The following ASTN2 variants were observed in gnomAD, a reference collection of about 807,000 sequenced individuals.
The protein encoded by ASTN2 is astrotactin 2.
ASTN2 carries 54 observed loss-of-function variants against 139.8 expected under a neutral mutation model. The observed-to-expected ratio is 0.39, with a 90% CI of 0.31 to 0.48. The LOEUF is 0.48. Among genes scored for constraint, ASTN2 ranks in the 20% least tolerant of loss-of-function variants. The pLI is 0.95. For synonymous variants in ASTN2, 756 were observed against 719.5 expected (o/e 1.05, Z -0.81); for missense variants, 1,565 against 1,725.1 (o/e 0.91, Z 1.64).
At chr9:116,969,262 T>C (rs2132515999) in intron 10 of ASTN2, among the ~76,000 whole-genome samples, 1 of 152,326 alleles carries the variant, frequency 6.6e-6, no homozygotes, top group East Asian at 1.9e-4. Flanking sequence ...ATTCCAAACC[T>C]GGTTCTATTA....
At chr9:117,014,203 C>T (rs1365072190) in intron 6 of ASTN2, among the ~76,000 whole-genome samples, 1 of 152,096 alleles carries the variant, frequency 6.6e-6, no homozygotes, top group Non-Finnish European at 1.5e-5. Flanking sequence ...ATCAGCCCGA[C>T]AGACCCAAGA....
chr9:116,972,209 G>GC (rs1836227904), intron 10 of ASTN2, among the ~76,000 whole-genome samples: 1 of 151,882 alleles, frequency 6.6e-6, no homozygotes, highest in South Asian at 2.1e-4. Flanking sequence ...AATGAAACTA[G>GC]TTTTTTTTGT....
chr9:116,995,127 G>A (rs1342988645), intron 7 of ASTN2, among the ~76,000 whole-genome samples: 1 of 152,178 alleles, frequency 6.6e-6, no homozygotes, highest in African/African-American at 2.4e-5. Context: ...TGCTTATTAA[G>A]TGTAAACACT....
chr9:117,074,431 T>G (rs1427045609), intron 5 of ASTN2, among the ~76,000 whole-genome samples: 7 of 152,218 alleles, frequency 4.6e-5, no homozygotes, highest in Admixed American at 3.9e-4. Flanking sequence ...CTGGGACATT[T>G]AGGTTTTATT....
intron 10 of ASTN2, among the ~76,000 whole-genome samples, chr9:116,946,054 A>T (rs781031626): frequency 1.3e-4 from 20 of 152,196 alleles, no homozygotes; most frequent in Non-Finnish European, 2.2e-4. Flanking sequence ...CACACTTACA[A>T]ATAATCAGAT....
chr9:116,750,190 A>G (rs953494776), intron 13 of ASTN2, among the ~76,000 whole-genome samples: 1 of 152,236 alleles, frequency 6.6e-6, no homozygotes, highest in African/African-American at 2.4e-5. Flanking sequence ...AAACTCTTAA[A>G]GCAAAAGATA....
At chr9:117,409,941 G>C (rs780236291) in intron 1 of ASTN2, among the ~76,000 whole-genome samples, 74 of 152,274 alleles carry the variant, frequency 4.9e-4, no homozygotes, top group Non-Finnish European at 7.9e-4. Flanking sequence ...CCTTCTTCCA[G>C]GCCATCAGCT....
At chr9:116,846,149 G>A (rs1283387467) in intron 11 of ASTN2, among the ~76,000 whole-genome samples, 1 of 152,180 alleles carries the variant, frequency 6.6e-6, no homozygotes, top group Non-Finnish European at 1.5e-5. Flanking sequence ...GGTGCTTATA[G>A]CAGTCAAATT....
chr9:116,916,722 C>T (rs923765062), intron 10 of ASTN2, among the ~76,000 whole-genome samples: 1 of 151,976 alleles, frequency 6.6e-6, no homozygotes, highest in African/African-American at 2.4e-5. Flanking sequence ...TGCCTGTGGC[C>T]CCAGCTACTT....
chr9:116,950,117 A>G (rs890826536), intron 10 of ASTN2, among the ~76,000 whole-genome samples: 1 of 152,242 alleles, frequency 6.6e-6, no homozygotes, highest in African/African-American at 2.4e-5. Context: ...AGCTTTCTCA[A>G]TCTTGCCAGC....
chr9:116,527,996 A>G (rs1209447192), intron 19 of ASTN2, among the ~76,000 whole-genome samples: 1 of 152,182 alleles, frequency 6.6e-6, no homozygotes, highest in Non-Finnish European at 1.5e-5. Flanking sequence ...TAGCAGTGTG[A>G]AAACAACTAA....
At chr9:117,269,823 G>C (rs556604266) in intron 2 of ASTN2, among the ~76,000 whole-genome samples, 252 of 152,308 alleles carry the variant, frequency 1.7e-3, no homozygotes, top group South Asian at 2.9e-3. Context: ...ACTTAAAGTT[G>C]AACCAAGGCC....
chr9:117,146,561 G>C (rs566147886), intron 3 of ASTN2, among the ~76,000 whole-genome samples: 1 of 151,950 alleles, frequency 6.6e-6, no homozygotes, highest in South Asian at 2.1e-4. Flanking sequence ...TCTAAGATGA[G>C]TGGGAAGAAG....
At chr9:117,125,221 C>T (rs1489458569) in intron 4 of ASTN2, among the ~76,000 whole-genome samples, 1 of 152,174 alleles carries the variant, frequency 6.6e-6, no homozygotes, top group African/African-American at 2.4e-5. Flanking sequence ...TTCTTCTTAA[C>T]ATCTCCTCTC....
chr9:116,495,846 C>T lies in ASTN2; in HGVS notation c.3356-8346G>A, dbSNP rs190587273. ...TAATTAACAAGAATTCACGGGGTAT[C>T]TCCAGTGTCCTGCTTCCTCGGGCCC... On this transcript the variant is annotated intron_variant, in intron 19 of 22. Transcript: ENST00000313400. Among the ~76,000 whole-genome samples the T allele has an allele frequency of 2.0e-5, 3 of 152,256 alleles. No homozygotes were observed. In the East Asian group the frequency reaches 5.8e-4, roughly 29 times the overall value.
At chr9:117,159,148 G>A (rs1298674622) in intron 3 of ASTN2, among the ~76,000 whole-genome samples, 1 of 151,974 alleles carries the variant, frequency 6.6e-6, no homozygotes, top group East Asian at 1.9e-4. Context: ...GAATGAATAA[G>A]TATTGTATTA....
At chr9:117,025,325 C>T (rs1441696369) in intron 6 of ASTN2, among the ~76,000 whole-genome samples, 1 of 152,120 alleles carries the variant, frequency 6.6e-6, no homozygotes, top group Non-Finnish European at 1.5e-5. Flanking sequence ...GCAATATGCC[C>T]ACAATGTGCC....
chr9:117,244,849 T>C (rs1833331665), intron 2 of ASTN2, among the ~76,000 whole-genome samples: 1 of 152,030 alleles, frequency 6.6e-6, no homozygotes, highest in African/African-American at 2.4e-5. Context: ...GAAGACACTG[T>C]GAAGCTGCTA....
In ASTN2 at chr9:116,426,018, A is replaced by G. The variant is rs777437746; in HGVS notation, c.3853T>C (p.Tyr1285His). ...SHCSSLLRSAYIQSRVETVPY... is the reference protein window; with the variant it reads ...SHCSSLLRSAHIQSRVETVPY... ...ACTGTTTCCACGCGGCTCTGGATGT[A>G]GGCACTCCGCAGGAGGCTGGAGCAG... The change falls in exon 23 of 23, where the codon TAC becomes CAC. Residue 1285 changes from tyrosine (Y) to histidine (H), a missense_variant. By Grantham distance (83) the Tyr-to-His change is moderately conservative (BLOSUM62 2). Around this residue, in one of 4 missense-constraint regions of ASTN2, gnomAD observed 418 missense variants for 465.8 expected, o/e 0.90. Transcript: ENST00000313400. 1 of 1,614,098 alleles carries G rather than the reference A, an allele frequency of 6.2e-7. No homozygotes were observed. Among genetic ancestry groups the G allele is most frequent in the South Asian group, 1.1e-5 (1 of 91,076 alleles).
Sources: allele counts gnomAD v4.1 joint callset (sites outside exome capture counted in the v4.1 genomes callset), GRCh38; gene constraint gnomAD v4.1.1; regional missense constraint gnomAD v4.1.1; transcripts MANE v1.5; gene names NCBI Gene and HGNC (gene_info 2026-07-23, HGNC 2026-07-21).